Variants in BAZ2A observed in about 807,000 individuals in gnomAD.
BAZ2A encodes the protein bromodomain adjacent to zinc finger domain 2A, also known as bromodomain adjacent to zinc finger domain protein 2A.
Under a neutral mutation model 199.9 loss-of-function variants are expected in BAZ2A, and 34 were observed. That is an observed-to-expected ratio of 0.17 (90% confidence interval 0.13 to 0.23). BAZ2A has a LOEUF of 0.23. BAZ2A is among the 10% of genes least tolerant of loss of function. The pLI, the probability that BAZ2A is intolerant of heterozygous loss-of-function variation, is 1.00. For synonymous variants in BAZ2A, 857 were observed against 883.9 expected (o/e 0.97, Z 0.54); for missense variants, 2,002 against 2,391.1 (o/e 0.84, Z 3.39).
rs1466357153 is a variant in BAZ2A at position 56,596,025 on chromosome 12, T to C, written c.*2593A>G. 2 of 152,730 alleles carry C rather than the reference T, an allele frequency of 1.3e-5. No homozygotes were observed. Among genetic ancestry groups the C allele is most frequent in the African/African-American group, 4.8e-5 (2 of 41,480 alleles). 9.5% of individuals were successfully genotyped at this position (152,730 alleles called of 1,614,324 possible). ...TCACATGGCAAAAACAGGAGTTTTT[T>C]CGCTAGACTTTTTTTTTCTTTTTAA... On this transcript the variant is annotated 3_prime_UTR_variant, in exon 29 of 29. Coordinates refer to ENST00000549884, the MANE Select transcript of BAZ2A (RefSeq NM_001300905.2).
intron 20 of BAZ2A, 50 bp downstream of exon 20, chr12:56,601,496 G>C: frequency 6.3e-7 from 1 of 1,596,870 alleles, no homozygotes; most frequent in Non-Finnish European, 8.5e-7. Flanking sequence ...AGGCAATGGT[G>C]CCTGTGGCAA....
In BAZ2A at chr12:56,605,147, C is replaced by G; in HGVS notation, c.2674G>C (p.Gly892Arg). ...EGLLCQGDSLGEVQDLLVRLL... is the reference protein window; with the variant it reads ...EGLLCQGDSLREVQDLLVRLL... ...CTGACCAGCAGGTCTTGCACCTCAC[C>G]CAAGCTGTCACCTTGACACAGGAGT... The change falls in exon 14 of 29, where the codon GGT becomes CGT. Residue 892 changes from glycine (G) to arginine (R), a missense_variant. Physicochemically the swap from Gly to Arg is moderately radical, Grantham distance 125. Coordinates refer to ENST00000549884, the MANE Select transcript of BAZ2A (RefSeq NM_001300905.2). 1 of 1,613,828 alleles carries G rather than the reference C, an allele frequency of 6.2e-7. No homozygotes were observed. The highest frequency in any genetic ancestry group is 8.5e-7 in the Non-Finnish European group (1 of 1,179,828).
At chr12:56,619,132 T>C (rs1381955717) in intron 1 of BAZ2A, among the ~76,000 whole-genome samples, 2 of 151,390 alleles carry the variant, frequency 1.3e-5, no homozygotes, top group Non-Finnish European at 2.9e-5. Context: ...TCACCTGAGG[T>C]CAGGAGTTCA....
chr12:56,623,131 G>A (rs1344064171), intron 1 of BAZ2A, among the ~76,000 whole-genome samples: 1 of 152,048 alleles, frequency 6.6e-6, no homozygotes, highest in East Asian at 1.9e-4. Context: ...ACCTACTCGG[G>A]AGGCTGAGGC....
rs35960815 is a variant in BAZ2A at position 56,597,637 on chromosome 12, GACACACACACACACACACACACAC to G, written c.*957_*980del. ...CACACACACAGCGCGCTCTGAGGCC[GACACACACACACACACACACACAC>G]ACACACACACACAGCGCTCTCTCTG... On this transcript the variant is annotated 3_prime_UTR_variant, in exon 29 of 29. Transcript: ENST00000549884. 372 of 127,254 alleles carry G rather than the reference GACACACACACACACACACACACAC, an allele frequency of 2.9e-3. No individual in the cohort carries two copies. Among genetic ancestry groups the G allele is most frequent in the Middle Eastern group, 7.6e-3 (2 of 264 alleles). The allele number at this position is 127,254 out of a possible 1,614,324, so 7.9% of individuals were successfully genotyped here. A position where few individuals can be genotyped will look rare whatever the true frequency, so the allele number is the denominator to read the frequency against.
chr12:56,621,079 C>T, intron 1 of BAZ2A: 1 of 985,422 alleles, frequency 1.0e-6, no homozygotes, highest in Non-Finnish European at 1.2e-6. Context: ...CCAATTTCAT[C>T]TGATCCTCAC....
At position 56,621,277 on chromosome 12, in the gene BAZ2A, T is replaced by C. The variant is rs76717415; in HGVS notation, c.-2-3745A>G. On this transcript the variant is annotated intron_variant, in intron 1 of 28. Coordinates refer to ENST00000549884, the MANE Select transcript of BAZ2A (RefSeq NM_001300905.2). ...CTCTGGAAAAGCACAGCATATCCTG[T>C]TTTTGTAAATATTAATAACAACATG... 3.0e-4 allele frequency: 293 copies of C among 984,148 alleles called. No homozygotes were observed. In the African/African-American group the frequency reaches 4.9e-3, roughly 16 times the overall value. The allele number at this position is 984,148 out of a possible 1,614,324, so 61.0% of individuals were successfully genotyped here.
In BAZ2A at chr12:56,635,367, G is replaced by C. The variant is rs947053859; in HGVS notation, c.4+815C>G. On this transcript the variant is annotated intron_variant, in intron 1 of 29. Transcript: ENST00000379441. This position sits in a 1 kb window ranked among gnomAD's most constrained non-coding sequence, Gnocchi z 4.1. ...CAGAAAGAGCTACATGGGCTCCTAG[G>C]AGGCCTAGGGGTGCAGGAGAGGGAA... Among the ~76,000 whole-genome samples the C allele has an allele frequency of 2.0e-5, 3 of 152,064 alleles. No individual in the cohort carries two copies. Among genetic ancestry groups the C allele is most frequent in the African/African-American group, 7.2e-5 (3 of 41,416 alleles).
chr12:56,599,871 C>G (rs1229439439), intron 25 of BAZ2A, 23 bp from the exon 26 acceptor site: 1 of 1,613,778 alleles, frequency 6.2e-7, no homozygotes. Context: ...TGTGAGGAGG[C>G]AGAATGAGCT....
intron 1 of BAZ2A, among the ~76,000 whole-genome samples, chr12:56,619,792 T>A (rs1950852511): frequency 6.6e-6 from 1 of 152,140 alleles, no homozygotes; most frequent in African/African-American, 2.4e-5. Flanking sequence ...GAAGATCACT[T>A]GAGGTCAGGA....
chr12:56,616,236 A>G (rs1310571116), intron 2 of BAZ2A, among the ~76,000 whole-genome samples: 1 of 152,038 alleles, frequency 6.6e-6, no homozygotes, highest in Non-Finnish European at 1.5e-5. Context: ...AACTGTTTGC[A>G]GACTCCCTAC....
Position 56,610,529 on chromosome 12 carries a change from G to C in BAZ2A, c.1671-12C>G. Reference sequence around the variant, plus strand: ...CCTCTCTCCGCCACCTGCCAGAGAAGCACATGGGCCCTGCCGCCAGGTCAC... The same window carrying C: ...CCTCTCTCCGCCACCTGCCAGAGAACCACATGGGCCCTGCCGCCAGGTCAC... On this transcript the variant is annotated splice_polypyrimidine_tract_variant and intron_variant, in intron 7 of 28. Transcript: ENST00000549884. 1 of 1,605,858 alleles carries C rather than the reference G, an allele frequency of 6.2e-7. No individual in the cohort carries two copies. Among genetic ancestry groups the C allele is most frequent in the Non-Finnish European group, 8.5e-7 (1 of 1,176,108 alleles).
intron 8 of BAZ2A, 64 bp from the exon 9 acceptor site, chr12:56,610,279 G>A (rs914438918): frequency 3.1e-6 from 5 of 1,594,262 alleles, no homozygotes; most frequent in East Asian, 2.2e-5. Flanking sequence ...GGCCAGCAAA[G>A]GCATAAGCAG....
In BAZ2A at chr12:56,597,603, A is replaced by G. The variant is rs1003983746; in HGVS notation, c.*1015T>C. On this transcript the variant is annotated 3_prime_UTR_variant, in exon 29 of 29. Transcript: ENST00000549884. ...ACACAGCGCGCGCTCTGAGGCTGACACACACACACACACACACAGCGCGCT... is the reference window on the plus strand; with the variant it reads ...ACACAGCGCGCGCTCTGAGGCTGACGCACACACACACACACACAGCGCGCT... 1 of 103,274 alleles carries G rather than the reference A, an allele frequency of 9.7e-6. No individual in the cohort carries two copies. The highest frequency in any genetic ancestry group is 1.9e-5 in the Non-Finnish European group (1 of 51,922). 6.4% of individuals were successfully genotyped at this position (103,274 alleles called of 1,614,324 possible).
chr12:56,622,137 G>A (rs1027042225), intron 1 of BAZ2A, among the ~76,000 whole-genome samples: 4 of 152,180 alleles, frequency 2.6e-5, no homozygotes, highest in South Asian at 2.1e-4. Flanking sequence ...TCAAGAGTTC[G>A]AAACCAGCCT....
chr12:56,627,723 G>C (rs1951147823), intron 1 of BAZ2A, among the ~76,000 whole-genome samples: 1 of 151,450 alleles, frequency 6.6e-6, no homozygotes, highest in Non-Finnish European at 1.5e-5. Flanking sequence ...CTACTCAGGG[G>C]GCTGAGGTGG....
In BAZ2A at chr12:56,613,078, T is replaced by C. The variant is rs1167080265; in HGVS notation, c.1072A>G (p.Thr358Ala). The C allele has an allele frequency of 6.2e-7, 1 of 1,614,036 alleles. No individual in the cohort carries two copies. The highest frequency in any genetic ancestry group is 1.3e-5 in the African/African-American group (1 of 75,068). Residue 358 changes from threonine to alanine, a missense_variant, in exon 5 of 29, where the codon ACA becomes GCA. Transcript: ENST00000549884. ...AFSLLADDSQ[T>A]STSIFASPTS... ...GGACTGGCAAAGATAGAGGTTGATG[T>C]TTGACTATCATCTGCCAGGAGACTG...
Position 56,607,613 on chromosome 12 carries a change from C to T in BAZ2A, c.2093-880G>A, listed in dbSNP as rs191575091. The stretch of plus-strand genomic sequence containing the variant: ...GTCTTGATTGCCTGACCTCATGATC[C>T]GCTGGTCTCAGCCTCTCAAAGAGCT... On this transcript the variant is annotated intron_variant, in intron 10 of 28. Transcript: ENST00000549884. Among the ~76,000 whole-genome samples the T allele has an allele frequency of 1.7e-3, 257 of 152,256 alleles. 1 individual carries two copies. The highest frequency in any genetic ancestry group is 5.9e-3 in the African/African-American group (246 of 41,554).
rs1382410237 is a variant in BAZ2A, at chr12:56,611,997, G to A, written c.1385C>T (p.Ala462Val). Residue 462 changes from alanine (A) to valine (V), a missense_variant, in exon 6 of 29, where the codon GCA becomes GTA. By Grantham distance (64) the Ala-to-Val change is moderately conservative. This residue lies in a region of BAZ2A where 641 missense variants were observed against 694.5 expected (regional missense o/e 0.92). Coordinates refer to ENST00000549884, the MANE Select transcript of BAZ2A (RefSeq NM_001300905.2). The part of the protein sequence containing the change: ...CPAASTVVSP[A>V]VFSVVSPASS... The stretch of plus-strand genomic sequence containing the variant: ...AGCTGGAGAGACCACTGAGAAGACT[G>A]CTGGAGAGACAACTGTAGAAGCTGC... 5.6e-6 allele frequency: 9 copies of A among 1,613,626 alleles called. No individual in the cohort carries two copies. Among genetic ancestry groups the A allele is most frequent in the African/African-American group, 1.3e-5 (1 of 74,900 alleles).
Sources: gnomAD v4.1 joint callset for allele counts (sites outside exome capture counted in the v4.1 genomes callset) on GRCh38, gnomAD v4.1.1 for gene constraint, gnomAD v4.1.1 regional missense constraint, Gnocchi (gnomAD v3.1) non-coding constraint, MANE v1.5 for transcripts, NCBI Gene and HGNC (gene_info 2026-07-23, HGNC 2026-07-21) for gene names.